LRMDA: variants seen among roughly 807,000 people sequenced by gnomAD.
LRMDA encodes leucine rich melanocyte differentiation associated, also known as leucine-rich melanocyte differentiation-associated protein.
Under a neutral mutation model 29.8 loss-of-function variants are expected in LRMDA, and 18 were observed. The ratio of observed to expected loss-of-function variants is 0.60; its 90% CI spans 0.42 to 0.90. The LOEUF (loss-of-function observed/expected upper bound fraction) is 0.90. Ranked by LOEUF, LRMDA falls within the 40% of genes least tolerant of loss-of-function variation. The pLI is 0.00. For synonymous variants in LRMDA, 125 were observed against 109.4 expected (o/e 1.14, Z -0.89); for missense variants, 273 against 273.9 (o/e 1.00, Z 0.02).
intron 2 of LRMDA, among the ~76,000 whole-genome samples, chr10:75,833,167 C>T (rs1041837019): frequency 5.9e-5 from 9 of 152,168 alleles, no homozygotes; most frequent in South Asian, 2.1e-4. Flanking sequence ...ATAGCACAAA[C>T]GACATTGTTT....
chr10:75,963,624 A>G (rs73281427), intron 2 of LRMDA, among the ~76,000 whole-genome samples: 2,555 of 152,286 alleles, frequency 0.017, 80 homozygotes, highest in African/African-American at 0.057. Context: ...CCACTTGTTG[A>G]CTAACTTGGT....
At position 76,463,917 on chromosome 10, in the gene LRMDA, A is replaced by ATTT. The variant is rs763472626; in HGVS notation, c.602-93277_602-93275dup. Among the ~76,000 whole-genome samples, 48 of 112,882 alleles carry ATTT rather than the reference A, an allele frequency of 4.3e-4. 1 individual carries two copies. The highest frequency in any genetic ancestry group is 6.2e-4 in the Admixed American group (6 of 9,660). 74.1% of individuals were successfully genotyped at this position (112,882 alleles called of 152,430 possible). On this transcript the variant is annotated intron_variant, in intron 6 of 6. Transcript: ENST00000611255. ...CTGGCACACAGTAGGTGCAAAATAA[A>ATTT]TTTTTTTTTTTTTTTTTGTGAGATG...
At chr10:76,232,429 C>T (rs1441734924) in intron 5 of LRMDA, among the ~76,000 whole-genome samples, 1 of 152,172 alleles carries the variant, frequency 6.6e-6, no homozygotes, top group Non-Finnish European at 1.5e-5. Flanking sequence ...CCAGTGAGAT[C>T]TAGAAGTTTT....
intron 6 of LRMDA, among the ~76,000 whole-genome samples, chr10:76,526,423 T>C (rs1843174871): frequency 6.6e-6 from 1 of 152,112 alleles, no homozygotes; most frequent in African/African-American, 2.4e-5. Flanking sequence ...CAAAGCAAGA[T>C]GAAGAAGGAT....
intron 2 of LRMDA, among the ~76,000 whole-genome samples, chr10:75,901,732 T>C (rs1441172020): frequency 2.0e-5 from 3 of 152,170 alleles, no homozygotes; most frequent in Non-Finnish European, 4.4e-5. Context: ...TGTTCAAGAG[T>C]GTGTTGCTGT....
chr10:76,364,689 A>G (rs1294706668), intron 6 of LRMDA, among the ~76,000 whole-genome samples: 1 of 152,032 alleles, frequency 6.6e-6, no homozygotes, highest in Non-Finnish European at 1.5e-5. Context: ...ATGCAATAAT[A>G]TGAAAACCTG....
intron 2 of LRMDA, among the ~76,000 whole-genome samples, chr10:75,993,739 A>C (rs546331579): frequency 2.0e-5 from 3 of 152,008 alleles, no homozygotes; most frequent in African/African-American, 7.2e-5. Context: ...TCTCAAAAAA[A>C]AAAAAAGAAA....
intron 5 of LRMDA, among the ~76,000 whole-genome samples, chr10:76,290,740 G>A (rs573679374): frequency 6.6e-6 from 1 of 152,158 alleles, no homozygotes; most frequent in East Asian, 1.9e-4. Flanking sequence ...CTATTCCAAT[G>A]GTGGTGGTTA....
Position 75,992,540 on chromosome 10 carries a change from A to G in LRMDA, c.132-43468A>G, listed in dbSNP as rs185416109. 1.7e-4 allele frequency among the ~76,000 whole-genome samples: 26 copies of G among 152,278 alleles called. No homozygotes were observed. The East Asian group carries it at 5.0e-3, about 29-fold the overall frequency. ...TTGCATAATGACTCATAAAAGTTAA[A>G]TTTCTGGTGAGCATGTCTGCCATGC... On this transcript the variant is annotated intron_variant, in intron 2 of 6. Coordinates refer to ENST00000611255, the MANE Select transcript of LRMDA (RefSeq NM_001305581.2).
At chr10:76,260,518 T>C (rs537230099) in intron 5 of LRMDA, among the ~76,000 whole-genome samples, 6 of 152,338 alleles carry the variant, frequency 3.9e-5, no homozygotes, top group African/African-American at 1.4e-4. Flanking sequence ...TCCCATTCTC[T>C]CTTGGCCTAT....
intron 2 of LRMDA, among the ~76,000 whole-genome samples, chr10:75,900,854 T>C (rs1278140752): frequency 6.6e-6 from 1 of 152,162 alleles, no homozygotes; most frequent in Non-Finnish European, 1.5e-5. Context: ...GATCATAAAG[T>C]CTTACTGCAT....
At chr10:75,966,191 G>A (rs1564618500) in intron 2 of LRMDA, among the ~76,000 whole-genome samples, 1 of 152,180 alleles carries the variant, frequency 6.6e-6, no homozygotes, top group African/African-American at 2.4e-5. Flanking sequence ...GTGTCCCACT[G>A]ATGGGATATA....
At chr10:76,506,549 C>T (rs1842961108) in intron 6 of LRMDA, among the ~76,000 whole-genome samples, 2 of 152,078 alleles carry the variant, frequency 1.3e-5, no homozygotes, top group Non-Finnish European at 2.9e-5. Flanking sequence ...TTGCAGCTAT[C>T]TGCTATCAAA....
chr10:76,138,467 C>G (rs1334167917), intron 5 of LRMDA, among the ~76,000 whole-genome samples: 1 of 152,138 alleles, frequency 6.6e-6, no homozygotes, highest in Non-Finnish European at 1.5e-5. Flanking sequence ...CTTGCCTCCC[C>G]CAGGTCAGGC....
At chr10:76,411,646 A>G (rs1841962415) in intron 6 of LRMDA, among the ~76,000 whole-genome samples, 1 of 152,216 alleles carries the variant, frequency 6.6e-6, no homozygotes, top group Non-Finnish European at 1.5e-5. Context: ...CTCAAAGCAC[A>G]TTCATTATCA....
intron 2 of LRMDA, among the ~76,000 whole-genome samples, chr10:75,846,903 A>G (rs1246094069): frequency 6.6e-6 from 1 of 152,208 alleles, no homozygotes; most frequent in Non-Finnish European, 1.5e-5. Flanking sequence ...AGATTGGAAA[A>G]TTTAATACTG....
At chr10:76,062,652 C>CTG (rs1231437962) in intron 5 of LRMDA, among the ~76,000 whole-genome samples, 2 of 114,882 alleles carry the variant, frequency 1.7e-5, no homozygotes, top group African/African-American at 8.1e-5. Context: ...CAGACTTTAT[C>CTG]TCTCTGTGTG....
chr10:75,506,065 C>A (rs556870576), intron 2 of LRMDA, among the ~76,000 whole-genome samples: 2 of 152,310 alleles, frequency 1.3e-5, no homozygotes, highest in African/African-American at 4.8e-5. Context: ...TCGTTTGGAG[C>A]TGTTTTCAGG....
chr10:75,835,724 G>A (rs1056101791), intron 2 of LRMDA, among the ~76,000 whole-genome samples: 2 of 152,202 alleles, frequency 1.3e-5, no homozygotes, highest in Non-Finnish European at 2.9e-5. Context: ...TGTAAAGTGA[G>A]GGGATTAAAC....
Sources: gnomAD v4.1 joint callset for allele counts (sites outside exome capture counted in the v4.1 genomes callset) on GRCh38, gnomAD v4.1.1 for gene constraint, MANE v1.5 for transcripts, NCBI Gene and HGNC (gene_info 2026-07-23, HGNC 2026-07-21) for gene names.